Variants in CDK12 observed in about 807,000 individuals in gnomAD.
The protein encoded by CDK12 is cyclin dependent kinase 12, also known as cyclin-dependent kinase 12.
Under a neutral mutation model 133.8 loss-of-function variants are expected in CDK12, and 17 were observed. The ratio of observed to expected loss-of-function variants is 0.13; its 90% confidence interval spans 0.09 to 0.19. CDK12 has a LOEUF of 0.19. Among genes scored for constraint, CDK12 ranks in the 10% least tolerant of loss-of-function variants. The probability of loss-of-function intolerance (pLI) is 1.00; values close to 1 mark genes in which losing one functional copy is unlikely to be tolerated. For synonymous variants in CDK12, 694 were observed against 683.6 expected, an observed-to-expected ratio of 1.02 and a Z score of -0.24; for missense variants, 1,508 against 1,818.7, an observed-to-expected ratio of 0.83 and a Z score of 3.11.
intron 1 of CDK12, among the ~76,000 whole-genome samples, chr17:39,468,831 T>A (rs2049561010): frequency 6.6e-6 from 1 of 151,268 alleles, no homozygotes; most frequent in African/African-American, 2.4e-5. Flanking sequence ...TTATTTATTT[T>A]GAGACAGATT....
chr17:39,561,245 T>A (rs558457992), intron 3 of CDK12, among the ~76,000 whole-genome samples: 5 of 152,286 alleles, frequency 3.3e-5, no homozygotes, highest in African/African-American at 1.2e-4. Flanking sequence ...TTATGAGGCC[T>A]GAGGAAATTG....
rs1567705947 is a variant in CDK12, at chr17:39,481,632, CG to C, written c.1932-8924del. ...GCACTTATGTGCTTGCTCGCTCGCG[CG>C]CTCTCTCTCTCTCTCTCTCTCTCTC... On this transcript the variant is annotated intron_variant, in intron 2 of 13. Transcript: ENST00000447079. Among the ~76,000 whole-genome samples, 33 of 31,794 alleles carry C rather than the reference CG, an allele frequency of 1.0e-3. 4 individuals carry two copies. The highest frequency in any genetic ancestry group is 2.3e-3 in the African/African-American group (29 of 12,626). The allele number at this position is 31,794 out of a possible 152,430, so 20.9% of individuals were successfully genotyped here.
chr17:39,486,669 T>G (rs1310805849), intron 2 of CDK12, among the ~76,000 whole-genome samples: 1 of 152,094 alleles, frequency 6.6e-6, no homozygotes, highest in East Asian at 1.9e-4. Flanking sequence ...GTTGAGAAAT[T>G]ACAAGTTTTT....
intron 8 of CDK12, among the ~76,000 whole-genome samples, chr17:39,512,294 G>A (rs2053549334): frequency 1.3e-5 from 2 of 152,090 alleles, no homozygotes; most frequent in African/African-American, 4.8e-5. Context: ...TGGATTAAAG[G>A]TTGATTCCTA....
At chr17:39,539,734 TAAG>T (rs1274013463) in intron 1 of CDK12, among the ~76,000 whole-genome samples, 13 of 152,194 alleles carry the variant, frequency 8.5e-5, no homozygotes, top group East Asian at 7.7e-4. Flanking sequence ...ACTATTATAA[TAAG>T]AGGAAACCAA....
At chr17:39,545,852 G>C (rs2055667315), upstream of CDK12, among the ~76,000 whole-genome samples, 1 of 146,666 alleles carries the variant, frequency 6.8e-6, no homozygotes, top group African/African-American at 2.5e-5. Context: ...CTGCAGTTCA[G>C]TGGCACGATC....
chr17:39,499,222 T>C lies in CDK12; in HGVS notation c.2420-2028T>C, dbSNP rs1232409544. ...TTCTTTCTTTCCTTTTTTTTTTTTT[T>C]TTGAGACAGAGTCTTGCTCTTTTTG... On this transcript the variant is annotated intron_variant, in intron 5 of 13. Transcript: ENST00000447079. Among the ~76,000 whole-genome samples the C allele has an allele frequency of 1.1e-4, 12 of 107,380 alleles. 1 individual carries two copies. Among genetic ancestry groups the C allele is most frequent in the Admixed American group, 5.1e-4 (5 of 9,874 alleles). The allele number at this position is 107,380 out of a possible 152,430, so 70.4% of individuals were successfully genotyped here.
At chr17:39,490,377 G>T (rs1009771848) in intron 2 of CDK12, among the ~76,000 whole-genome samples, 180 bp from the exon 3 acceptor site, 6 of 150,360 alleles carry the variant, frequency 4.0e-5, no homozygotes, top group African/African-American at 1.5e-4. Flanking sequence ...AAAAAAAAAA[G>T]AAAAAAATTA....
At chr17:39,463,194 C>T in intron 1 of CDK12, 77 bp downstream of exon 1, 1 of 1,292,698 alleles carries the variant, frequency 7.7e-7, no homozygotes, top group Non-Finnish European at 1.1e-6. Flanking sequence ...TTAACATTGT[C>T]TGGAAGCCCG....
Position 39,491,987 on chromosome 17 carries a change from C to T in CDK12, c.2109-764C>T, listed in dbSNP as rs576846425. ...ACTGAAAATACAAAAATTAGCTGGG[C>T]GGGGTGGCGCCTGCCTGTAGAGTAC... On this transcript the variant is annotated intron_variant, in intron 3 of 13. Transcript: ENST00000447079. 1.4e-3 allele frequency among the ~76,000 whole-genome samples: 175 copies of T among 125,718 alleles called. 1 individual carries two copies. Among genetic ancestry groups the T allele is most frequent in the Non-Finnish European group, 2.5e-3 (156 of 61,772 alleles). 82.5% of individuals were successfully genotyped at this position (125,718 alleles called of 152,430 possible).
At chr17:39,530,234 T>A (rs2054744706) in intron 13 of CDK12, 1 of 192,198 alleles carries the variant, frequency 5.2e-6, no homozygotes, top group Non-Finnish European at 1.1e-5. Flanking sequence ...TTGTTCCCTC[T>A]CATCTTCCTT....
chr17:39,538,510 T>C (rs1311690273), downstream of CDK12, among the ~76,000 whole-genome samples: 1 of 152,220 alleles, frequency 6.6e-6, no homozygotes, highest in Non-Finnish European at 1.5e-5. Flanking sequence ...ACTAACATTG[T>C]TGGGTACCTG....
intron 3 of CDK12, among the ~76,000 whole-genome samples, chr17:39,559,680 C>T (rs570348160): frequency 9.3e-4 from 142 of 151,960 alleles, no homozygotes; most frequent in African/African-American, 3.2e-3. Context: ...GCCTTGAAAG[C>T]CTGGGCTTAT....
chr17:39,487,096 TATA>T (rs1367509633), intron 2 of CDK12, among the ~76,000 whole-genome samples: 7 of 152,218 alleles, frequency 4.6e-5, no homozygotes, highest in Non-Finnish European at 1.0e-4. Flanking sequence ...GAGTGCAGAT[TATA>T]ATAATGTTGC....
rs762204823 is a variant in CDK12, at chr17:39,471,208, A to G, written c.1376A>G (p.Asp459Gly). Residue 459 changes from aspartate to glycine, a missense_variant, in exon 2 of 14, where the codon GAT becomes GGT. Coordinates refer to ENST00000447079, the MANE Select transcript of CDK12 (RefSeq NM_016507.4). ...RSVKLEKSAPDTELVNVTHLN... is the reference protein window; with the variant it reads ...RSVKLEKSAPGTELVNVTHLN... The stretch of plus-strand genomic sequence containing the variant: ...GTAAAATTGGAAAAATCTGCCCCAG[A>G]TACTGAACTGGTGAATGTAACACAT... 1 of 1,590,590 alleles carries G rather than the reference A, an allele frequency of 6.3e-7. No homozygotes were observed. Among genetic ancestry groups the G allele is most frequent in the African/African-American group, 1.4e-5 (1 of 73,586 alleles).
intron 2 of CDK12, 130 bp downstream of exon 2, chr17:39,471,893 G>A (rs909809486): frequency 9.5e-6 from 8 of 842,940 alleles, no homozygotes; most frequent in Non-Finnish European, 1.3e-5. Context: ...CAGTGGGAAA[G>A]TCTGTAATTA....
chr17:39,542,875 G>C (rs138871946), upstream of CDK12, among the ~76,000 whole-genome samples: 125 of 152,296 alleles, frequency 8.2e-4, 3 homozygotes, highest in East Asian at 0.016. Flanking sequence ...TCAAGAGGCT[G>C]GTTCATTGGG....
intron 1 of CDK12, among the ~76,000 whole-genome samples, chr17:39,466,570 C>T (rs1396679706): frequency 8.5e-6 from 1 of 118,084 alleles, no homozygotes; most frequent in East Asian, 2.8e-4. Flanking sequence ...GCCGCGATTG[C>T]AATAATTGCA....
At chr17:39,545,648 G>A (rs552728904), upstream of CDK12, among the ~76,000 whole-genome samples, 3 of 151,890 alleles carry the variant, frequency 2.0e-5, no homozygotes, top group South Asian at 2.1e-4. Context: ...ACAGGTGCCC[G>A]CCACTACGCC....
Sources: allele counts gnomAD v4.1 joint callset (sites outside exome capture counted in the v4.1 genomes callset), GRCh38; gene constraint gnomAD v4.1.1; transcripts MANE v1.5; gene names NCBI Gene and HGNC (gene_info 2026-07-23, HGNC 2026-07-21).